The following PCDHGA2 variants were observed in gnomAD, a reference collection of about 807,000 sequenced individuals.
The protein encoded by PCDHGA2 is protocadherin gamma-A2.
A neutral mutation model predicts 59.2 loss-of-function variants in PCDHGA2; 40 were observed. That is an observed-to-expected ratio of 0.68 (90% confidence interval 0.52 to 0.88). PCDHGA2 has a LOEUF of 0.88. Among genes scored for constraint, PCDHGA2 ranks in the 40% least tolerant of loss-of-function variants. PCDHGA2 has a pLI of 0.00. For synonymous variants in PCDHGA2, 560 were observed against 526.0 expected (o/e 1.06, Z -0.89); for missense variants, 1,226 against 1,204.0 (o/e 1.02, Z -0.27).
chr5:141,375,963 G>C (rs371650654), intron 1 of PCDHGA2: 4 of 1,613,262 alleles, frequency 2.5e-6, no homozygotes, highest in Non-Finnish European at 2.5e-6. Flanking sequence ...GGCGAGGTGC[G>C]CACGGCGCGC....
chr5:141,366,665 C>A (rs779874955), intron 1 of PCDHGA2: 2 of 1,614,100 alleles, frequency 1.2e-6, no homozygotes, highest in East Asian at 4.5e-5. Context: ...CGCAGACACG[C>A]TCCTTAGTGA....
rs367905789 is a variant in PCDHGA2 at position 141,487,335 on chromosome 5, G to A, written c.2425-7472G>A. 11 of 1,614,064 alleles carry A rather than the reference G, an allele frequency of 6.8e-6. No individual in the cohort carries two copies. The highest frequency in any genetic ancestry group is 8.5e-6 in the Non-Finnish European group (10 of 1,180,044). Reference sequence around the variant, plus strand: ...TCTAAGTGTCTTCGTGGGGCAGCCTGTGGAGTCACATGCTTTCCTGCTGGC... The same window carrying A: ...TCTAAGTGTCTTCGTGGGGCAGCCTATGGAGTCACATGCTTTCCTGCTGGC... On this transcript the variant is annotated intron_variant, in intron 1 of 3. Transcript: ENST00000394576. This position sits in a 1 kb window ranked among gnomAD's most constrained non-coding sequence, Gnocchi z 5.0.
chr5:141,357,006 C>T (rs1335226609), intron 1 of PCDHGA2: 2 of 1,614,158 alleles, frequency 1.2e-6, no homozygotes, highest in Non-Finnish European at 1.7e-6. Context: ...GTCAGAATGC[C>T]TGGCTGTCCT....
At position 141,477,226 on chromosome 5, in the gene PCDHGA2, C is replaced by G. The variant is rs779570150; in HGVS notation, c.2425-17581C>G. 59 of 1,614,076 alleles carry G rather than the reference C, an allele frequency of 3.7e-5. No homozygotes were observed. The highest frequency in any genetic ancestry group is 1.3e-4 in the Admixed American group (8 of 60,004). On this transcript the variant is annotated intron_variant, in intron 1 of 3. Coordinates refer to ENST00000394576, the MANE Select transcript of PCDHGA2 (RefSeq NM_018915.4). This position sits in a 1 kb window ranked among gnomAD's most constrained non-coding sequence, Gnocchi z 4.9. ...CCGAGGATGCCCCTCTGGGGACTGT[C>G]ATCGCTTTGCTCAGTGTGACTGACC...
Position 141,476,512 on chromosome 5 carries a change from T to C in PCDHGA2, c.2425-18295T>C, listed in dbSNP as rs1171240377. ...TGATCCAGGACATCAACGACAACAA[T>C]CCTGCTTTCCCTACCCAGGAAATGA... On this transcript the variant is annotated intron_variant, in intron 1 of 3. Transcript: ENST00000394576. This position sits in a 1 kb window ranked among gnomAD's most constrained non-coding sequence, Gnocchi z 7.6. The C allele has an allele frequency of 6.2e-7, 1 of 1,613,642 alleles. No homozygotes were observed. Among genetic ancestry groups the C allele is most frequent in the Non-Finnish European group, 8.5e-7 (1 of 1,179,940 alleles).
intron 1 of PCDHGA2, chr5:141,423,851 C>T (rs1311833319): frequency 7.8e-6 from 10 of 1,275,940 alleles, no homozygotes; most frequent in African/African-American, 1.6e-5. Flanking sequence ...TCTTTCAGAA[C>T]GTTTTTGTGA....
At chr5:141,346,332 C>T (rs956205597) in intron 1 of PCDHGA2, 1 of 1,614,212 alleles carries the variant, frequency 6.2e-7, no homozygotes, top group Non-Finnish European at 8.5e-7. Flanking sequence ...GCGGAAGAGC[C>T]ACCTGATTTT....
chr5:141,385,709 A>C, intron 1 of PCDHGA2: 1 of 259,262 alleles, frequency 3.9e-6, no homozygotes, highest in Non-Finnish European at 6.2e-6. Context: ...TAGCATTCAA[A>C]TATGTAAAAG....
At chr5:141,370,057 C>G (rs180898728) in intron 1 of PCDHGA2, among the ~76,000 whole-genome samples, 1 of 152,268 alleles carries the variant, frequency 6.6e-6, no homozygotes, top group East Asian at 1.9e-4. Flanking sequence ...TTTAAAAGTC[C>G]TTTTAAAATG....
chr5:141,386,441 T>C (rs908191919), intron 1 of PCDHGA2, among the ~76,000 whole-genome samples: 3 of 152,152 alleles, frequency 2.0e-5, no homozygotes, highest in African/African-American at 7.2e-5. Context: ...CATGGGAGGC[T>C]GAGGCAAGAG....
At chr5:141,362,185 C>T (rs779283904) in intron 1 of PCDHGA2, 15 of 1,613,904 alleles carry the variant, frequency 9.3e-6, no homozygotes, top group Admixed American at 3.3e-5. Context: ...GCCCTCTGAC[C>T]CCCAGGCAAA....
rs1762963941 is a variant in PCDHGA2, at chr5:141,363,537, C to T, written c.2424+22142C>T. 2.0e-5 allele frequency among the ~76,000 whole-genome samples: 3 copies of T among 152,150 alleles called. No homozygotes were observed. The South Asian group carries it at 6.2e-4, about 32-fold the overall frequency. On this transcript the variant is annotated intron_variant, in intron 1 of 3. Coordinates refer to ENST00000394576, the MANE Select transcript of PCDHGA2 (RefSeq NM_018915.4). ...GTTACTATACTGGTTGTCACTGGAA[C>T]TACAAATATTTGAACATGGTAATAG...
chr5:141,397,909 T>G lies in PCDHGA2; in HGVS notation c.2424+56514T>G, dbSNP rs1004406261. On this transcript the variant is annotated intron_variant, in intron 1 of 3. Coordinates refer to ENST00000394576, the MANE Select transcript of PCDHGA2 (RefSeq NM_018915.4). Reference sequence around the variant, plus strand: ...TTGGCCAAAGTGCAGAGCTTGGCGCTCCAGATCTCCTCGCGCAGCCGCAGC... The same window carrying G: ...TTGGCCAAAGTGCAGAGCTTGGCGCGCCAGATCTCCTCGCGCAGCCGCAGC... 114 of 677,396 alleles carry G rather than the reference T, an allele frequency of 1.7e-4. No individual in the cohort carries two copies. In the East Asian group the frequency reaches 2.8e-3, roughly 17 times the overall value. The allele number at this position is 677,396 out of a possible 1,614,324, so 42.0% of individuals were successfully genotyped here. A position where few individuals can be genotyped will look rare whatever the true frequency, so the allele number is the denominator to read the frequency against.
chr5:141,349,818 A>C (rs1256328285), intron 1 of PCDHGA2, among the ~76,000 whole-genome samples: 1 of 152,218 alleles, frequency 6.6e-6, no homozygotes, highest in East Asian at 1.9e-4. Context: ...AAACTGAAAA[A>C]AATGGCAGTG....
intron 1 of PCDHGA2, chr5:141,364,253 T>C (rs1355902961): frequency 1.2e-5 from 18 of 1,490,992 alleles, no homozygotes; most frequent in Non-Finnish European, 1.6e-5. Context: ...TCAGGGAATA[T>C]GTACCCATCG....
At chr5:141,362,694 C>A in intron 1 of PCDHGA2, 1 of 1,100,690 alleles carries the variant, frequency 9.1e-7, no homozygotes. Flanking sequence ...TCTTATCTAA[C>A]TGAATTTTAA....
chr5:141,364,890 A>G (rs765566914), intron 1 of PCDHGA2: 2 of 1,613,858 alleles, frequency 1.2e-6, no homozygotes, highest in African/African-American at 2.7e-5. Flanking sequence ...AGCGGAACTG[A>G]TGGACAAAAG....
intron 1 of PCDHGA2, chr5:141,423,110 G>C: frequency 6.2e-7 from 1 of 1,613,842 alleles, no homozygotes; most frequent in Non-Finnish European, 8.5e-7. Context: ...GGCGAGGTGC[G>C]TACAGCGCGG....
At chr5:141,474,090 AAACAACAACAAAAAC>A (rs1459798801) in intron 1 of PCDHGA2, among the ~76,000 whole-genome samples, 1 of 152,206 alleles carries the variant, frequency 6.6e-6, no homozygotes, top group African/African-American at 2.4e-5. Flanking sequence ...ACCAAAAAAC[AAACAACAACAAAAAC>A]AACAACAACG....
Sources: gnomAD v4.1 joint callset for allele counts (sites outside exome capture counted in the v4.1 genomes callset) on GRCh38, gnomAD v4.1.1 for gene constraint, Gnocchi (gnomAD v3.1) non-coding constraint, MANE v1.5 for transcripts, NCBI Gene and HGNC (gene_info 2026-07-23, HGNC 2026-07-21) for gene names.